SOX6: variants seen among roughly 807,000 people sequenced by gnomAD.
SOX6 encodes the protein SRY-box transcription factor 6, also known as transcription factor SOX-6.
SOX6 carries 11 observed loss-of-function variants against 97.8 expected under a neutral mutation model. The ratio of observed to expected loss-of-function variants is 0.11; its 90% confidence interval spans 0.07 to 0.19. The LOEUF is 0.19. Ranked by LOEUF, SOX6 falls within the 10% of genes least tolerant of loss-of-function variation. The pLI is 1.00. For synonymous variants in SOX6, 360 were observed against 371.4 expected (o/e 0.97, Z 0.35); for missense variants, 810 against 1,039.5 (o/e 0.78, Z 3.04).
chr11:16,438,146 T>C (rs914943019), intron 1 of SOX6, among the ~76,000 whole-genome samples: 2 of 152,162 alleles, frequency 1.3e-5, no homozygotes, highest in Non-Finnish European at 2.9e-5. Context: ...TATATGTGTG[T>C]ATACATATAT....
chr11:16,334,744 G>T (rs1051687357), intron 2 of SOX6, among the ~76,000 whole-genome samples: 5 of 151,862 alleles, frequency 3.3e-5, no homozygotes, highest in South Asian at 2.1e-4. Context: ...CTCTATTTTT[G>T]ATGAAGATTT....
At chr11:16,208,021 TTAAG>T (rs1303901146) in intron 4 of SOX6, among the ~76,000 whole-genome samples, 1 of 152,204 alleles carries the variant, frequency 6.6e-6, no homozygotes, top group African/African-American at 2.4e-5. Flanking sequence ...GGCTAACTAA[TTAAG>T]TTATTTCTTC....
intron 9 of SOX6, among the ~76,000 whole-genome samples, chr11:16,081,746 T>A (rs1483816723): frequency 6.6e-6 from 1 of 152,212 alleles, no homozygotes; most frequent in South Asian, 2.1e-4. Context: ...CTATTTTATT[T>A]CAGCAACTAA....
At chr11:16,219,187 A>G (rs1852465521) in intron 4 of SOX6, among the ~76,000 whole-genome samples, 1 of 152,052 alleles carries the variant, frequency 6.6e-6, no homozygotes, top group Non-Finnish European at 1.5e-5. Context: ...AGTGCTGAAA[A>G]GAGGCTTGAG....
At chr11:16,156,904 A>C (rs940308109) in intron 6 of SOX6, among the ~76,000 whole-genome samples, 4 of 152,034 alleles carry the variant, frequency 2.6e-5, no homozygotes, top group African/African-American at 9.7e-5. Context: ...TCTTCATAGA[A>C]TTTATCACTA....
intron 6 of SOX6, among the ~76,000 whole-genome samples, chr11:16,173,093 G>A (rs1334334446): frequency 6.6e-6 from 1 of 151,926 alleles, no homozygotes; most frequent in Non-Finnish European, 1.5e-5. Flanking sequence ...GAGGATAAGA[G>A]TTAGAAACAT....
intron 6 of SOX6, among the ~76,000 whole-genome samples, chr11:16,124,736 T>A (rs916200190): frequency 6.6e-6 from 1 of 152,072 alleles, no homozygotes; most frequent in South Asian, 2.1e-4. Flanking sequence ...GTATTCTTAG[T>A]GTGATGGAAA....
Position 16,642,483 on chromosome 11 carries a change from G to A in SOX6, n.430-30223C>T, listed in dbSNP as rs140194221. ...TGGCCTGCCTTGCTAGATTGGAGAC[G>A]TTCTCGTGGATAATATCCTGCAGTG... On this transcript the variant is annotated intron_variant and non_coding_transcript_variant, in intron 3 of 5. Transcript: ENST00000524520. Among the ~76,000 whole-genome samples, 198 of 152,224 alleles carry A rather than the reference G, an allele frequency of 1.3e-3. 1 individual carries two copies. Among genetic ancestry groups the A allele is most frequent in the Middle Eastern group, 0.01 (3 of 294 alleles).
chr11:16,182,567 C>A (rs2134100091), intron 6 of SOX6, among the ~76,000 whole-genome samples: 1 of 151,918 alleles, frequency 6.6e-6, no homozygotes, highest in South Asian at 2.1e-4. Context: ...AGAAATTATT[C>A]CAAGATTTAA....
intron 13 of SOX6, among the ~76,000 whole-genome samples, chr11:16,000,094 T>C (rs1854358147): frequency 1.3e-5 from 2 of 152,196 alleles, no homozygotes; most frequent in Admixed American, 6.5e-5. Flanking sequence ...TGTCTATGAT[T>C]ATGGAAACCT....
intron 1 of SOX6, among the ~76,000 whole-genome samples, chr11:16,424,953 CA>C (rs1364470518): frequency 6.6e-6 from 1 of 151,744 alleles, no homozygotes; most frequent in African/African-American, 2.4e-5. Context: ...GTGGCTAAGT[CA>C]AAACAACGGG....
chr11:16,498,586 T>C (rs1246178129), intron 4 of SOX6, among the ~76,000 whole-genome samples: 1 of 151,968 alleles, frequency 6.6e-6, no homozygotes, highest in East Asian at 1.9e-4. Flanking sequence ...GAGACACACA[T>C]AGGCTCAAAA....
At chr11:16,410,843 T>G (rs990028816) in intron 1 of SOX6, among the ~76,000 whole-genome samples, 10 of 150,774 alleles carry the variant, frequency 6.6e-5, no homozygotes, top group African/African-American at 2.4e-4. Context: ...GATGATATAC[T>G]GTGGAAGTGT....
chr11:16,641,904 A>AATAAGC (rs1848921467), intron 3 of SOX6, among the ~76,000 whole-genome samples: 6 of 152,230 alleles, frequency 3.9e-5, no homozygotes, highest in Admixed American at 3.3e-4. Flanking sequence ...TAGCCCATTT[A>AATAAGC]CACTTAAGGT....
chr11:16,510,947 C>G (rs1159814302), intron 4 of SOX6, among the ~76,000 whole-genome samples: 2 of 152,062 alleles, frequency 1.3e-5, no homozygotes, highest in East Asian at 3.9e-4. Context: ...AAACCCCCAA[C>G]ATTTTTTATC....
chr11:16,110,359 A>C (rs558444760), intron 7 of SOX6: 1 of 152,104 alleles, frequency 6.6e-6, no homozygotes, highest in African/African-American at 2.4e-5. Flanking sequence ...GAAGTAGTTT[A>C]GAATGACTTA....
rs565957317 is a variant in SOX6, at chr11:16,053,701, G to T, written c.1251+2051C>A. ...TTATAGTAGACAAAAGTTTTAGGGG[G>T]AAAAGGTACATCAGATCATCTATAT... On this transcript the variant is annotated intron_variant, in intron 10 of 15. Coordinates refer to ENST00000683767, the MANE Select transcript of SOX6 (RefSeq NM_001367873.1). Among the ~76,000 whole-genome samples the T allele has an allele frequency of 1.6e-3, 249 of 152,142 alleles. 2 individuals are homozygous for T. The highest frequency in any genetic ancestry group is 2.5e-3 in the Non-Finnish European group (171 of 67,990).
chr11:16,066,837 C>G (rs1264495878), intron 9 of SOX6, among the ~76,000 whole-genome samples: 1 of 152,124 alleles, frequency 6.6e-6, no homozygotes, highest in Non-Finnish European at 1.5e-5. Flanking sequence ...GTTGATATCT[C>G]AACAGGGTGA....
chr11:16,712,314 G>C (rs1848187856), intron 3 of SOX6, among the ~76,000 whole-genome samples: 1 of 152,100 alleles, frequency 6.6e-6, no homozygotes, highest in Non-Finnish European at 1.5e-5. Flanking sequence ...GTTCTTTAAG[G>C]AATCTCCACA....
Sources: gnomAD v4.1 joint callset for allele counts (sites outside exome capture counted in the v4.1 genomes callset) on GRCh38, gnomAD v4.1.1 for gene constraint, MANE v1.5 for transcripts, NCBI Gene and HGNC (gene_info 2026-07-23, HGNC 2026-07-21) for gene names.